Variants in FNDC3A observed in about 807,000 individuals in gnomAD.
The protein encoded by FNDC3A is fibronectin type III domain containing 3A.
In FNDC3A, 32 loss-of-function variants were observed where a neutral mutation model predicts 148.9. That is an observed-to-expected ratio of 0.21 (90% CI 0.16 to 0.29). The LOEUF is 0.29. Among genes scored for constraint, FNDC3A ranks in the 10% least tolerant of loss-of-function variants. The pLI, the probability that FNDC3A is intolerant of heterozygous loss-of-function variation, is 1.00. For missense variants in FNDC3A, 1,191 were observed against 1,452.8 expected, an observed-to-expected ratio of 0.82 and a Z score of 2.93; for synonymous variants, 472 against 473.6, an observed-to-expected ratio of 1.00 and a Z score of 0.04.
chr13:49,015,365 T>C (rs1346286334), intron 2 of FNDC3A, among the ~76,000 whole-genome samples: 1 of 152,196 alleles, frequency 6.6e-6, no homozygotes, highest in African/African-American at 2.4e-5. Flanking sequence ...GAAGCAATAG[T>C]GAATGGGAGT....
chr13:49,094,807 A>G (rs1402542281), intron 3 of FNDC3A, among the ~76,000 whole-genome samples: 1 of 152,122 alleles, frequency 6.6e-6, no homozygotes, highest in East Asian at 1.9e-4. Context: ...AGCCTACTCT[A>G]TTCTTTTTCT....
In FNDC3A at chr13:49,181,408, C is replaced by T. The variant is rs796705897; in HGVS notation, c.1617+2754C>T. On this transcript the variant is annotated intron_variant, in intron 14 of 25. Transcript: ENST00000492622. Reference sequence around the variant, plus strand: ...CTCTGGCCCTGCCCCTCCCCACCCCCATCTACTAAATTAGAAATTTGGGGG... The same window carrying T: ...CTCTGGCCCTGCCCCTCCCCACCCCTATCTACTAAATTAGAAATTTGGGGG... 2.6e-5 allele frequency among the ~76,000 whole-genome samples: 4 copies of T among 152,212 alleles called. No individual in the cohort carries two copies. In the East Asian group the frequency reaches 5.8e-4, roughly 22 times the overall value.
chr13:49,088,226 A>G (rs1382225580), intron 3 of FNDC3A, among the ~76,000 whole-genome samples: 1 of 152,200 alleles, frequency 6.6e-6, no homozygotes, highest in Non-Finnish European at 1.5e-5. Flanking sequence ...AGTATTTGTT[A>G]ATTGAGTAAA....
intron 3 of FNDC3A, among the ~76,000 whole-genome samples, chr13:49,102,696 TCAAA>T (rs1368586998): frequency 6.6e-6 from 1 of 152,192 alleles, no homozygotes; most frequent in Non-Finnish European, 1.5e-5. Context: ...AGTATATGTG[TCAAA>T]CAATTTTTCT....
intron 2 of FNDC3A, among the ~76,000 whole-genome samples, chr13:49,071,718 G>A (rs1317425793): frequency 1.6e-5 from 2 of 122,064 alleles, no homozygotes; most frequent in Admixed American, 1.9e-4. Flanking sequence ...TTTTAAATCT[G>A]ATTATTTGGT....
At chr13:49,178,533 A>C (rs1228971566) in intron 13 of FNDC3A, 35 bp from the exon 14 acceptor site, 1 of 1,247,380 alleles carries the variant, frequency 8.0e-7, no homozygotes, top group Non-Finnish European at 1.2e-6. Context: ...CTATTGTTAG[A>C]CATCGAATGA....
At chr13:49,004,893 A>AT (rs1952193335) in intron 1 of FNDC3A, among the ~76,000 whole-genome samples, 1 of 151,904 alleles carries the variant, frequency 6.6e-6, no homozygotes, top group East Asian at 1.9e-4. Flanking sequence ...CTTTCTCATA[A>AT]TTCTTTGTAT....
At chr13:49,171,455 A>C (rs1593701798) in intron 10 of FNDC3A, among the ~76,000 whole-genome samples, 1 of 152,304 alleles carries the variant, frequency 6.6e-6, no homozygotes, top group Middle Eastern at 3.4e-3. Context: ...ATTCAGATGG[A>C]AGTAAGGTTG....
At chr13:49,062,923 A>G (rs1876997255) in intron 2 of FNDC3A, among the ~76,000 whole-genome samples, 1 of 152,114 alleles carries the variant, frequency 6.6e-6, no homozygotes, top group Non-Finnish European at 1.5e-5. Flanking sequence ...ACCTCCTGCT[A>G]TTTCCCTGGA....
chr13:49,134,630 A>G (rs1454428234), intron 5 of FNDC3A, among the ~76,000 whole-genome samples: 7 of 152,012 alleles, frequency 4.6e-5, no homozygotes, highest in Admixed American at 2.6e-4. Context: ...TCCTACCAGC[A>G]ATGTATGAGG....
At chr13:48,981,461 A>G (rs1487235932) in intron 1 of FNDC3A, among the ~76,000 whole-genome samples, 1 of 151,970 alleles carries the variant, frequency 6.6e-6, no homozygotes, top group African/African-American at 2.4e-5. Context: ...TAATGCTACT[A>G]TATTGGAAGC....
intron 3 of FNDC3A, among the ~76,000 whole-genome samples, chr13:49,089,306 A>T (rs1879034929): frequency 6.6e-6 from 1 of 152,214 alleles, no homozygotes. Flanking sequence ...GGTAGGCAAA[A>T]TTCTAGGATG....
At chr13:49,074,585 G>C (rs750421921) in intron 2 of FNDC3A, among the ~76,000 whole-genome samples, 15 of 152,018 alleles carry the variant, frequency 9.9e-5, no homozygotes, top group Non-Finnish European at 2.1e-4. Flanking sequence ...ATAATCTTTT[G>C]ATGAAATATT....
intron 3 of FNDC3A, among the ~76,000 whole-genome samples, chr13:49,101,789 CTTTAGTTTTTTTT>C (rs1305281595): frequency 2.3e-5 from 3 of 129,220 alleles, no homozygotes; most frequent in Non-Finnish European, 3.3e-5. Flanking sequence ...ACTATACCTG[CTTTAGTTTTTTTT>C]TTTTTTTTTT....
chr13:49,001,255 T>C lies in FNDC3A; in HGVS notation c.-39-4897T>C, dbSNP rs1952120595. ...GAAGATTTCATAGACACTTATCACT[T>C]CCCCAATCAATACCCTTGTGATTTC... On this transcript the variant is annotated intron_variant, in intron 1 of 25. Transcript: ENST00000492622. 5.3e-5 allele frequency among the ~76,000 whole-genome samples: 8 copies of C among 152,324 alleles called. 1 individual carries two copies. In the South Asian group the frequency reaches 1.7e-3, roughly 32 times the overall value.
chr13:48,981,048 C>T (rs79711384), intron 1 of FNDC3A, among the ~76,000 whole-genome samples: 303 of 152,100 alleles, frequency 2.0e-3, no homozygotes, highest in African/African-American at 7.0e-3. Flanking sequence ...CATACAGTAC[C>T]GTAATTTTAA....
At chr13:49,043,138 T>A (rs1024340953) in intron 2 of FNDC3A, among the ~76,000 whole-genome samples, 15 of 151,074 alleles carry the variant, frequency 9.9e-5, no homozygotes, top group Non-Finnish European at 8.9e-5. Flanking sequence ...TTTTTTTTTT[T>A]AATATTTTGT....
chr13:49,191,542 C>T (rs868228722), intron 19 of FNDC3A, among the ~76,000 whole-genome samples, 158 bp downstream of exon 19: 1 of 152,148 alleles, frequency 6.6e-6, no homozygotes, highest in African/African-American at 2.4e-5. Context: ...CAAGAGAAGT[C>T]GGTATATTCC....
intron 2 of FNDC3A, among the ~76,000 whole-genome samples, chr13:49,070,188 A>G (rs773601735): frequency 4.6e-5 from 7 of 152,032 alleles, no homozygotes; most frequent in Non-Finnish European, 1.0e-4. Context: ...CTGGAGTACA[A>G]TGGCATGATC....
Sources: allele counts gnomAD v4.1 joint callset (sites outside exome capture counted in the v4.1 genomes callset), GRCh38; gene constraint gnomAD v4.1.1; transcripts MANE v1.5; gene names NCBI Gene and HGNC (gene_info 2026-07-23, HGNC 2026-07-21).